PARD3: variants seen among roughly 807,000 people sequenced by gnomAD.
PARD3 encodes partitioning defective 3 homolog.
In PARD3, 75 loss-of-function variants were observed where a neutral mutation model predicts 155.4. That is an observed-to-expected ratio of 0.48 (90% CI 0.40 to 0.58). The LOEUF (loss-of-function observed/expected upper bound fraction) is 0.58. PARD3 is among the 20% of genes least tolerant of loss of function. The probability of loss-of-function intolerance (pLI) is 0.00; values close to 1 mark genes in which losing one functional copy is unlikely to be tolerated. For missense variants in PARD3, 1,642 were observed against 1,721.7 expected (o/e 0.95, Z 0.82); for synonymous variants, 576 against 610.5 (o/e 0.94, Z 0.83).
intron 22 of PARD3, among the ~76,000 whole-genome samples, chr10:34,185,171 T>C (rs1047933405): frequency 6.6e-6 from 1 of 152,234 alleles, no homozygotes; most frequent in Non-Finnish European, 1.5e-5. Context: ...TTGGATGAGC[T>C]ATTAATATAT....
chr10:34,243,122 AT>A (rs1349126796), intron 22 of PARD3, among the ~76,000 whole-genome samples: 2 of 152,232 alleles, frequency 1.3e-5, no homozygotes, highest in Non-Finnish European at 2.9e-5. Flanking sequence ...TGAGAAAACA[AT>A]TTTATATTGG....
chr10:34,486,000 T>C (rs532202732), intron 3 of PARD3, among the ~76,000 whole-genome samples: 3 of 145,838 alleles, frequency 2.1e-5, no homozygotes, highest in South Asian at 2.3e-4. Context: ...CGTAGATCAC[T>C]GCATCCTTGA....
At chr10:34,727,714 A>C (rs1483042401) in intron 1 of PARD3, among the ~76,000 whole-genome samples, 1 of 152,152 alleles carries the variant, frequency 6.6e-6, no homozygotes, top group African/African-American at 2.4e-5. Context: ...TGTTGCCAGA[A>C]TAACATTCCT....
intron 12 of PARD3, among the ~76,000 whole-genome samples, chr10:34,362,542 T>C (rs1453578650): frequency 6.6e-6 from 1 of 152,152 alleles, no homozygotes; most frequent in East Asian, 1.9e-4. Flanking sequence ...TCACCCAAGG[T>C]GGAATGCGGT....
At chr10:34,173,213 A>G (rs1235163479) in intron 22 of PARD3, among the ~76,000 whole-genome samples, 1 of 152,210 alleles carries the variant, frequency 6.6e-6, no homozygotes, top group East Asian at 1.9e-4. Flanking sequence ...GTCTTGCAAC[A>G]TGGCTTCCTG....
chr10:34,475,759 A>G (rs1433990352), intron 3 of PARD3, among the ~76,000 whole-genome samples: 1 of 152,216 alleles, frequency 6.6e-6, no homozygotes, highest in African/African-American at 2.4e-5. Flanking sequence ...AGTGGGACAT[A>G]AGTTTTCCAA....
intron 22 of PARD3, among the ~76,000 whole-genome samples, chr10:34,261,804 A>AG (rs780037179): frequency 1.3e-5 from 2 of 149,128 alleles, no homozygotes; most frequent in Non-Finnish European, 3.0e-5. Context: ...AAAGAAAGAA[A>AG]GAAAGAAAGA....
chr10:34,691,294 C>T (rs2094056794), intron 2 of PARD3, among the ~76,000 whole-genome samples: 2 of 152,138 alleles, frequency 1.3e-5, no homozygotes, highest in Admixed American at 1.3e-4. Context: ...TCCTACACAC[C>T]AACAACATCC....
At chr10:34,657,550 T>TTGTC (rs1380259210) in intron 2 of PARD3, among the ~76,000 whole-genome samples, 6 of 151,988 alleles carry the variant, frequency 3.9e-5, no homozygotes, top group African/African-American at 1.5e-4. Flanking sequence ...GTTTGTTTGT[T>TTGTC]TGTTTTGAGA....
At chr10:34,348,350 G>A (rs530349887) in intron 14 of PARD3, among the ~76,000 whole-genome samples, 1 of 152,254 alleles carries the variant, frequency 6.6e-6, no homozygotes, top group Admixed American at 6.5e-5. Flanking sequence ...AACCGCTGGA[G>A]GAAAAATATG....
intron 17 of PARD3, 90 bp downstream of exon 17, chr10:34,337,185 A>G (rs10508802): frequency 0.045 from 35,896 of 800,264 alleles, 3,144 homozygotes; most frequent in African/African-American, 0.31. Context: ...CTATTGCTCA[A>G]AGTAAACAGA....
chr10:34,116,473 C>T (rs777658842), intron 24 of PARD3, among the ~76,000 whole-genome samples: 5 of 152,184 alleles, frequency 3.3e-5, no homozygotes, highest in Non-Finnish European at 5.9e-5. Flanking sequence ...CTCAAGCTCA[C>T]GGAGGTGGTT....
rs1054333989 is a variant in PARD3, at chr10:34,805,958, C to T, written c.120+8918G>A. Among the ~76,000 whole-genome samples the T allele has an allele frequency of 4.0e-5, 6 of 151,062 alleles. 1 individual carries two copies. Among genetic ancestry groups the T allele is most frequent in the Non-Finnish European group, 7.4e-5 (5 of 67,850 alleles). On this transcript the variant is annotated intron_variant, in intron 1 of 24. Transcript: ENST00000374788. ...CGTCACTGCACTCCAGCCTGGGCGACAGAGCGAGACTCCGTCTCAAAAAGA... is the reference window on the plus strand; with the variant it reads ...CGTCACTGCACTCCAGCCTGGGCGATAGAGCGAGACTCCGTCTCAAAAAGA...
At chr10:34,180,028 G>T (rs756210456) in intron 22 of PARD3, among the ~76,000 whole-genome samples, 4 of 152,068 alleles carry the variant, frequency 2.6e-5, no homozygotes, top group Non-Finnish European at 5.9e-5. Context: ...CATGAAGAGT[G>T]GGGTATCCAT....
Position 34,366,310 on chromosome 10 carries a change from C to T in PARD3, c.1708-6051G>A, listed in dbSNP as rs532943808. ...ACTTTGTGTTAATTATTTTGCCCAA[C>T]TGAAGGCTAAGGTAAACCTTCTGAG... is the stretch of plus-strand genomic sequence containing the variant. On this transcript the variant is annotated intron_variant, in intron 12 of 24. Coordinates refer to ENST00000374788, the MANE Select transcript of PARD3 (RefSeq NM_001184785.2). Among the ~76,000 whole-genome samples, 6 of 152,328 alleles carry T rather than the reference C, an allele frequency of 3.9e-5. No individual in the cohort carries two copies. The South Asian group carries it at 1.2e-3, about 32-fold the overall frequency.
At chr10:34,725,388 T>C (rs562755153) in intron 1 of PARD3, among the ~76,000 whole-genome samples, 2 of 152,170 alleles carry the variant, frequency 1.3e-5, no homozygotes, top group Admixed American at 6.5e-5. Context: ...TCCTGGCCTC[T>C]AGGTGATCCA....
intron 4 of PARD3, among the ~76,000 whole-genome samples, chr10:34,461,035 A>G (rs2077618025): frequency 1.3e-5 from 2 of 152,232 alleles, no homozygotes; most frequent in African/African-American, 4.8e-5. Context: ...TAGGTAAAAT[A>G]GATGGAAACC....
At chr10:34,150,023 T>C (rs1948703313) in intron 22 of PARD3, among the ~76,000 whole-genome samples, 1 of 152,240 alleles carries the variant, frequency 6.6e-6, no homozygotes, top group Admixed American at 6.5e-5. Context: ...AATAAGGTGG[T>C]CTTAACTCAT....
At chr10:34,292,558 A>C (rs1285022228) in intron 20 of PARD3, among the ~76,000 whole-genome samples, 1 of 152,222 alleles carries the variant, frequency 6.6e-6, no homozygotes, top group East Asian at 1.9e-4. Flanking sequence ...ATGCTGTTTT[A>C]AGTTGGTGGA....
Sources: allele counts gnomAD v4.1 joint callset (sites outside exome capture counted in the v4.1 genomes callset), GRCh38; gene constraint gnomAD v4.1.1; transcripts MANE v1.5; gene names NCBI Gene and HGNC (gene_info 2026-07-23, HGNC 2026-07-21).